Variants in LMBRD2 observed in about 807,000 individuals in gnomAD.
LMBRD2 encodes the protein G protein-coupled receptor-associated protein LMBRD2.
A neutral mutation model predicts 94.4 loss-of-function variants in LMBRD2; 55 were observed. That is an observed-to-expected ratio of 0.58 (90% confidence interval 0.47 to 0.73). The LOEUF is 0.73. Ranked by LOEUF, LMBRD2 falls within the 30% of genes least tolerant of loss-of-function variation. The pLI is 0.00. For synonymous variants in LMBRD2, 246 were observed against 272.4 expected, an observed-to-expected ratio of 0.90 and a Z score of 0.95; for missense variants, 640 against 831.9, an observed-to-expected ratio of 0.77 and a Z score of 2.84.
intron 1 of LMBRD2, among the ~76,000 whole-genome samples, chr5:36,146,641 C>T (rs1171404065): frequency 6.6e-6 from 1 of 152,126 alleles, no homozygotes; most frequent in East Asian, 1.9e-4. Flanking sequence ...CCTCCCAAAG[C>T]ACTGAGATTT....
Position 36,117,756 on chromosome 5 carries a change from T to G in LMBRD2, c.1281A>C (p.Thr427=), listed in dbSNP as rs148342800. 3 of 1,605,338 alleles carry G rather than the reference T, an allele frequency of 1.9e-6. No homozygotes were observed. Among genetic ancestry groups the G allele is most frequent in the Non-Finnish European group, 2.5e-6 (3 of 1,176,718 alleles). ...TGACCTCGATATAAATATAATTATA[T>G]GTTTTTTCTGCCAGCTGTATGAAGA... ...FAVFIQLAEK[T]YNYIYIEIAC... Residue 427 remains threonine, a synonymous_variant, in exon 10 of 18, where the codon ACA becomes ACC. Coordinates refer to ENST00000296603, the MANE Select transcript of LMBRD2 (RefSeq NM_001007527.2).
rs1200461134 is a variant in LMBRD2, at chr5:36,099,337, AATAC to A, written c.*4705_*4708del. The stretch of plus-strand genomic sequence containing the variant: ...GTATCATTCAATGTTATAATTTATA[AATAC>A]ATATTAATTTAAAACACAGGTCCAC... On this transcript the variant is annotated 3_prime_UTR_variant, in exon 18 of 18. Transcript: ENST00000296603. 1 of 152,174 alleles carries A rather than the reference AATAC, an allele frequency of 6.6e-6. No individual in the cohort carries two copies. The highest frequency in any genetic ancestry group is 1.5e-5 in the Non-Finnish European group (1 of 68,006). The allele number at this position is 152,174 out of a possible 1,614,324, so 9.4% of individuals were successfully genotyped here.
chr5:36,133,584 A>G (rs1744203319), intron 6 of LMBRD2, among the ~76,000 whole-genome samples: 1 of 152,164 alleles, frequency 6.6e-6, no homozygotes. Context: ...AACAAACAAA[A>G]AAGAAATTCA....
At chr5:36,131,013 A>G (rs918103894) in intron 6 of LMBRD2, among the ~76,000 whole-genome samples, 11 of 152,078 alleles carry the variant, frequency 7.2e-5, no homozygotes, top group Admixed American at 5.2e-4. Flanking sequence ...TGATTCCAAA[A>G]CCAGAAACAG....
chr5:36,112,313 G>A (rs750268779), intron 13 of LMBRD2, among the ~76,000 whole-genome samples: 5 of 152,100 alleles, frequency 3.3e-5, no homozygotes, highest in Non-Finnish European at 5.9e-5. Context: ...TCCGGGATGA[G>A]AAGCTCAGAA....
intron 15 of LMBRD2, among the ~76,000 whole-genome samples, chr5:36,109,016 G>A (rs1743540569): frequency 6.6e-6 from 1 of 152,104 alleles, no homozygotes; most frequent in Non-Finnish European, 1.5e-5. Context: ...ATATTAGAGA[G>A]CCAAAAAGTC....
At chr5:36,146,084 AG>A (rs1301113715) in intron 1 of LMBRD2, among the ~76,000 whole-genome samples, 3 of 152,208 alleles carry the variant, frequency 2.0e-5, no homozygotes, top group East Asian at 1.9e-4. Context: ...AGCACTTTAA[AG>A]GGTTGTAGAT....
chr5:36,101,218 C>T lies in LMBRD2; in HGVS notation c.*2828G>A, dbSNP rs1474587390. On this transcript the variant is annotated 3_prime_UTR_variant, in exon 18 of 18. Coordinates refer to ENST00000296603, the MANE Select transcript of LMBRD2 (RefSeq NM_001007527.2). ...AACTTATTCTTTCTTTTGTTTTTTA[C>T]AAAAATGCTCTATTGATAACAAGTT... 2 of 151,588 alleles carry T rather than the reference C, an allele frequency of 1.3e-5. No individual in the cohort carries two copies. Among genetic ancestry groups the T allele is most frequent in the African/African-American group, 2.4e-5 (1 of 41,350 alleles). 9.4% of individuals were successfully genotyped at this position (151,588 alleles called of 1,614,324 possible).
At chr5:36,138,579 G>T (rs1036216219) in intron 4 of LMBRD2, among the ~76,000 whole-genome samples, 1 of 152,220 alleles carries the variant, frequency 6.6e-6, no homozygotes, top group East Asian at 1.9e-4. Context: ...AAGCGTGAGC[G>T]AGGCTTCTGG....
At chr5:36,115,242 T>TTA (rs1743712543) in intron 11 of LMBRD2, 122 bp from the exon 12 acceptor site, 5 of 571,478 alleles carry the variant, frequency 8.7e-6, no homozygotes, top group African/African-American at 3.8e-5. Flanking sequence ...TCTATTTGCT[T>TTA]TATATATATA....
rs1162943147 is a variant in LMBRD2 at position 36,141,217 on chromosome 5, G to C, written c.273-15C>G. 6.7e-7 allele frequency: 1 copy of C among 1,501,500 alleles called. No homozygotes were observed. The highest frequency in any genetic ancestry group is 1.8e-5 in the Admixed American group (1 of 56,046). 93.0% of individuals were successfully genotyped at this position (1,501,500 alleles called of 1,614,324 possible). A position where few individuals can be genotyped will look rare whatever the true frequency, so the allele number is the denominator to read the frequency against. Reference sequence around the variant, plus strand: ...AAGGATGCTGGCTGTTGAATAAAAAGTTAAAGCCAACTAATCATAAATGAC... The same window carrying C: ...AAGGATGCTGGCTGTTGAATAAAAACTTAAAGCCAACTAATCATAAATGAC... On this transcript the variant is annotated splice_polypyrimidine_tract_variant and intron_variant, in intron 3 of 17. Coordinates refer to ENST00000296603, the MANE Select transcript of LMBRD2 (RefSeq NM_001007527.2).
At chr5:36,133,203 AG>A (rs2111893966) in intron 6 of LMBRD2, among the ~76,000 whole-genome samples, 1 of 152,198 alleles carries the variant, frequency 6.6e-6, no homozygotes, top group South Asian at 2.1e-4. Flanking sequence ...TATACACAAC[AG>A]AGTACTATTC....
chr5:36,115,915 A>C (rs553852244), intron 11 of LMBRD2, among the ~76,000 whole-genome samples: 34 of 152,322 alleles, frequency 2.2e-4, no homozygotes, highest in African/African-American at 5.8e-4. Context: ...AACAACAAAA[A>C]AGATGCTTAA....
Position 36,104,054 on chromosome 5 carries a change from C to T in LMBRD2, c.2080G>A (p.Asp694Asn). Residue 694 changes from aspartate to asparagine, a missense_variant, in exon 18 of 18, where the codon GAT (aspartate) becomes AAT (asparagine). Around this residue, in one of 2 missense-constraint regions of LMBRD2, gnomAD observed 183 missense variants for 189.1 expected, o/e 0.97. Transcript: ENST00000296603. ...LSMSRSDIFN[D>N]V ...ACAAACTTTTTCAGACTTTAAACATCATTAAATATGTCACTGCGAGACATC... is the reference window on the plus strand; with the variant it reads ...ACAAACTTTTTCAGACTTTAAACATTATTAAATATGTCACTGCGAGACATC... The T allele has an allele frequency of 1.2e-6, 2 of 1,609,774 alleles. No individual in the cohort carries two copies.
intron 4 of LMBRD2, among the ~76,000 whole-genome samples, chr5:36,140,335 G>A (rs1292261986): frequency 6.6e-6 from 1 of 152,168 alleles, no homozygotes; most frequent in Non-Finnish European, 1.5e-5. Context: ...TGCCTGGCTC[G>A]CCCTTGGGAG....
intron 11 of LMBRD2, 135 bp downstream of exon 11, chr5:36,116,325 A>T: frequency 1.2e-6 from 1 of 838,422 alleles, no homozygotes; most frequent in Non-Finnish European, 1.9e-6. Context: ...CATCAATTTA[A>T]TATTTGAAAC....
At position 36,143,116 on chromosome 5, in the gene LMBRD2, C is replaced by T. The variant is rs542943620; in HGVS notation, c.174+60G>A. The stretch of plus-strand genomic sequence containing the variant: ...CTGTCTTAAGAAATAACATTATTTC[C>T]AACATGCTGTATGATTAAAATTTGT... On this transcript the variant is annotated intron_variant, in intron 2 of 17. Coordinates refer to ENST00000296603, the MANE Select transcript of LMBRD2 (RefSeq NM_001007527.2). 6.1e-5 allele frequency: 68 copies of T among 1,114,852 alleles called. No individual in the cohort carries two copies. In the East Asian group the frequency reaches 1.6e-3, roughly 26 times the overall value. 69.1% of individuals were successfully genotyped at this position (1,114,852 alleles called of 1,614,324 possible). A position where few individuals can be genotyped will look rare whatever the true frequency, so the allele number is the denominator to read the frequency against.
chr5:36,149,863 C>T (rs1021447680), intron 1 of LMBRD2, among the ~76,000 whole-genome samples: 1 of 152,092 alleles, frequency 6.6e-6, no homozygotes, highest in Non-Finnish European at 1.5e-5. Flanking sequence ...GCCGAGATTG[C>T]GCCATTGCAC....
At position 36,115,051 on chromosome 5, in the gene LMBRD2, G is replaced by A. The variant is rs1339259657; in HGVS notation, c.1506C>T (p.Ile502=). ...CAGTTGGTTGAGTATTCTTGTGAGAGATAGATGAATCCATATGGGTCAAAC... is the reference window on the plus strand; with the variant it reads ...CAGTTGGTTGAGTATTCTTGTGAGAAATAGATGAATCCATATGGGTCAAAC... ...FLGLTHMDSS[I]SHKNTQPTAY... The change falls in exon 12 of 18, where the codon ATC becomes ATT. Residue 502 remains isoleucine, a synonymous_variant. Transcript: ENST00000296603. The A allele has an allele frequency of 6.2e-7, 1 of 1,611,412 alleles. No homozygotes were observed. The highest frequency in any genetic ancestry group is 1.1e-5 in the South Asian group (1 of 90,902).
Sources: gnomAD v4.1 joint callset for allele counts (sites outside exome capture counted in the v4.1 genomes callset) on GRCh38, gnomAD v4.1.1 for gene constraint, gnomAD v4.1.1 regional missense constraint, MANE v1.5 for transcripts, NCBI Gene and HGNC (gene_info 2026-07-23, HGNC 2026-07-21) for gene names.